NYX: variants seen among roughly 807,000 people sequenced by gnomAD.
The protein encoded by NYX is leucine-rich repeat protein.
For synonymous variants in NYX, 258 were observed against 245.7 expected, an observed-to-expected ratio of 1.05 and a Z score of -0.47; for missense variants, 481 against 485.4, an observed-to-expected ratio of 0.99 and a Z score of 0.09.
intron 2 of NYX, among the ~76,000 whole-genome samples, chrX:41,456,965 T>G (rs780095155): frequency 2.7e-4 from 30 of 110,999 alleles, no homozygotes; most frequent in Non-Finnish European, 4.9e-4. Context: ...AGGAGGGGAT[T>G]AGGTCCTGAG....
intron 2 of NYX, among the ~76,000 whole-genome samples, chrX:41,448,962 CTTGGAA>C (rs1251905615): frequency 9.0e-6 from 1 of 111,481 alleles, no homozygotes; most frequent in African/African-American, 3.3e-5. Context: ...TGAAAAATGC[CTTGGAA>C]TTATAGGATT....
intron 2 of NYX, among the ~76,000 whole-genome samples, chrX:41,468,160 A>G (rs2064347185): frequency 8.9e-6 from 1 of 111,969 alleles, no homozygotes; most frequent in Non-Finnish European, 1.9e-5. Flanking sequence ...AGCAGTGTAC[A>G]TTGAGAAGCT....
intron 2 of NYX, among the ~76,000 whole-genome samples, chrX:41,466,738 T>G (rs1250440172): frequency 1.7e-4 from 17 of 102,655 alleles, no homozygotes; most frequent in South Asian, 4.5e-4. Flanking sequence ...TTTTTTTTTT[T>G]TTTGTAGTTT....
rs376864745 is a variant in NYX, at chrX:41,458,594, G to A, written c.22+10668G>A. 1.6e-4 allele frequency among the ~76,000 whole-genome samples: 18 copies of A among 109,957 alleles called. No homozygotes were observed. In the East Asian group the frequency reaches 4.7e-3, roughly 29 times the overall value. ...CCTACCTCAGCCCCTCTCCCCCTGA[G>A]TAGCTGGGACTACAGGTGCGTGCCA... is the stretch of plus-strand genomic sequence containing the variant. On this transcript the variant is annotated intron_variant, in intron 2 of 2. Coordinates refer to ENST00000378220, the MANE Select transcript of NYX (RefSeq NM_001378477.3).
At position 41,473,791 on chromosome X, in the gene NYX, C is replaced by T. The variant is rs753740968; in HGVS notation, c.323C>T (p.Ala108Val). The T allele has an allele frequency of 1.8e-6, 2 of 1,131,897 alleles. No individual in the cohort carries two copies. The highest frequency in any genetic ancestry group is 3.5e-5 in the East Asian group (1 of 28,398). The allele number at this position is 1,131,897 out of a possible 1,213,427, so 93.3% of individuals were successfully genotyped here. Residue 108 changes from alanine (A) to valine (V), a missense_variant, in exon 3 of 3, where the codon GCT (alanine) becomes GTT (valine). Physicochemically the swap from Ala to Val is moderately conservative, Grantham distance 64 (BLOSUM62 0). Transcript: ENST00000378220. ...PGAFKGLPRL[A>V]ELRLAHNGDL... The stretch of plus-strand genomic sequence containing the variant: ...GCCTTCAAGGGCCTGCCGCGCCTGG[C>T]TGAGCTGCGCCTGGCGCACAACGGC...
chrX:41,462,269 T>C (rs1303781417), intron 2 of NYX, among the ~76,000 whole-genome samples: 2 of 112,710 alleles, frequency 1.8e-5, no homozygotes, highest in Non-Finnish European at 3.7e-5. Context: ...CTATTAAGAA[T>C]AAAGCTGCCA....
intron 2 of NYX, among the ~76,000 whole-genome samples, chrX:41,449,920 G>A (rs1302395695): frequency 4.5e-5 from 5 of 111,454 alleles, no homozygotes; most frequent in South Asian, 3.7e-4. Context: ...CAAGCAATAC[G>A]GACAATATGT....
chrX:41,447,789 A>T (rs2064263412), intron 1 of NYX, 60 bp from the exon 2 acceptor site: 2 of 810,742 alleles, frequency 2.5e-6, no homozygotes, highest in South Asian at 4.3e-5. Flanking sequence ...GTGTGGAGGC[A>T]TGGGAGGGTT....
chrX:41,449,844 C>T (rs1335042896), intron 2 of NYX, among the ~76,000 whole-genome samples: 2 of 111,634 alleles, frequency 1.8e-5, no homozygotes, highest in African/African-American at 6.5e-5. Context: ...ATCTCCACAT[C>T]CCCTGGCACT....
At chrX:41,468,776 T>G (rs904102336) in intron 2 of NYX, among the ~76,000 whole-genome samples, 1 of 111,859 alleles carries the variant, frequency 8.9e-6, no homozygotes, top group African/African-American at 3.2e-5. Flanking sequence ...AAGGACTATT[T>G]GTAAAGAAAC....
intron 2 of NYX, among the ~76,000 whole-genome samples, chrX:41,460,836 A>T (rs1417420901): frequency 1.1e-5 from 1 of 92,170 alleles, no homozygotes; most frequent in Non-Finnish European, 2.1e-5. Flanking sequence ...ATTAGTTTAC[A>T]GTTTCTAGAA....
At chrX:41,466,335 AC>A (rs747859146) in intron 2 of NYX, among the ~76,000 whole-genome samples, 51 of 81,014 alleles carry the variant, frequency 6.3e-4, no homozygotes, top group African/African-American at 2.3e-3. Context: ...TGGGAGGATT[AC>A]CCAAGCCCAG....
chrX:41,449,749 A>C (rs1168870702), intron 2 of NYX, among the ~76,000 whole-genome samples: 1 of 111,526 alleles, frequency 9.0e-6, no homozygotes, highest in Non-Finnish European at 1.9e-5. Context: ...AGAAACCCGA[A>C]ATATATCCAG....
intron 2 of NYX, among the ~76,000 whole-genome samples, chrX:41,469,793 C>T (rs1462677784): frequency 1.8e-5 from 2 of 111,041 alleles, no homozygotes; most frequent in Non-Finnish European, 3.8e-5. Flanking sequence ...GTGATCCACC[C>T]GCCTCTGCCT....
chrX:41,454,133 T>C (rs1490987424), intron 2 of NYX, among the ~76,000 whole-genome samples: 1 of 111,796 alleles, frequency 8.9e-6, no homozygotes, highest in East Asian at 2.8e-4. Flanking sequence ...TCTGATGTAA[T>C]TGATCTGATG....
At position 41,474,727 on chromosome X, in the gene NYX, T is replaced by C. The variant is rs1487079098; in HGVS notation, c.1259T>C (p.Val420Ala). 8.4e-7 allele frequency: 1 copy of C among 1,191,193 alleles called. No individual in the cohort carries two copies. Among genetic ancestry groups the C allele is most frequent in the African/African-American group, 1.8e-5 (1 of 55,768 alleles). Residue 420 changes from valine to alanine, a missense_variant, in exon 3 of 3, where the codon GTC becomes GCC. Val to Ala is a moderately conservative substitution (Grantham distance 64). Transcript: ENST00000378220. Reference sequence around the variant, plus strand: ...CTCTCCAAGCTGCTGGCCCCGAGGGTCCCGGTGGAGGAGGCGGCCAACACC... The same window carrying C: ...CTCTCCAAGCTGCTGGCCCCGAGGGCCCCGGTGGAGGAGGCGGCCAACACC... ...SLLSKLLAPR[V>A]PVEEAANTTG...
chrX:41,463,853 G>A (rs1363425667), intron 2 of NYX, among the ~76,000 whole-genome samples: 2 of 111,707 alleles, frequency 1.8e-5, no homozygotes, highest in African/African-American at 6.5e-5. Context: ...TTACAGGGGT[G>A]AGCCACCGTG....
Position 41,474,188 on chromosome X carries a change from C to G in NYX, c.720C>G (p.Leu240=). The change falls in exon 3 of 3, where the codon CTC becomes CTG. Residue 240 remains leucine (L), a synonymous_variant. Coordinates refer to ENST00000378220, the MANE Select transcript of NYX (RefSeq NM_001378477.3). ...TCAACGACAACCTGCTGGCCGAGCT[C>G]CCGGCCGACGCCTTCCGCGGCCTGC... ...LLLNDNLLAE[L]PADAFRGLRR... 2 of 1,165,240 alleles carry G rather than the reference C, an allele frequency of 1.7e-6. No homozygotes were observed. The highest frequency in any genetic ancestry group is 2.3e-6 in the Non-Finnish European group (2 of 877,130).
At chrX:41,448,986 T>A (rs115681487) in intron 2 of NYX, among the ~76,000 whole-genome samples, 4,342 of 112,039 alleles carry the variant, frequency 0.039, 117 homozygotes, top group African/African-American at 0.094. Context: ...ATTATGGATA[T>A]TGAAGTTATT....
Sources: allele counts gnomAD v4.1 joint callset (sites outside exome capture counted in the v4.1 genomes callset), GRCh38; gene constraint gnomAD v4.1.1; transcripts MANE v1.5; gene names NCBI Gene and HGNC (gene_info 2026-07-23, HGNC 2026-07-21).